The following GRM5 variants were observed in gnomAD, a reference collection of about 807,000 sequenced individuals.
GRM5 encodes metabotropic glutamate receptor 5.
In GRM5, 19 loss-of-function variants were observed where a neutral mutation model predicts 83.1. That is an observed-to-expected ratio of 0.23 (90% CI 0.16 to 0.34). The LOEUF is 0.34. GRM5 is among the 10% of genes least tolerant of loss of function. GRM5 has a pLI of 1.00. For missense variants in GRM5, 1,160 were observed against 1,588.3 expected (o/e 0.73, Z 4.58); for synonymous variants, 675 against 633.6 (o/e 1.07, Z -0.98).
intron 3 of GRM5, among the ~76,000 whole-genome samples, chr11:88,677,696 T>C (rs1031695619): frequency 6.6e-6 from 1 of 152,158 alleles, no homozygotes; most frequent in Non-Finnish European, 1.5e-5. Flanking sequence ...ATTATTTACA[T>C]CAATGACAAA....
chr11:88,960,546 T>C (rs1270140884), intron 2 of GRM5, among the ~76,000 whole-genome samples: 1 of 152,202 alleles, frequency 6.6e-6, no homozygotes, highest in Non-Finnish European at 1.5e-5. Flanking sequence ...ACAGACCTAA[T>C]ATCTGATTTA....
intron 3 of GRM5, among the ~76,000 whole-genome samples, chr11:88,669,720 A>G (rs1940144631): frequency 1.3e-5 from 2 of 152,088 alleles, no homozygotes; most frequent in Non-Finnish European, 2.9e-5. Flanking sequence ...TAATACAAAG[A>G]AATAAGCCTA....
chr11:88,830,536 C>T (rs1270975743), intron 3 of GRM5, among the ~76,000 whole-genome samples: 1 of 152,124 alleles, frequency 6.6e-6, no homozygotes, highest in Non-Finnish European at 1.5e-5. Context: ...GGAAGTGAGG[C>T]ATCCTTCTCT....
chr11:88,727,840 A>G (rs1366915003), intron 3 of GRM5, among the ~76,000 whole-genome samples: 3 of 152,216 alleles, frequency 2.0e-5, no homozygotes, highest in African/African-American at 7.2e-5. Flanking sequence ...CAATGAGAAC[A>G]AAGACACAAC....
chr11:88,796,965 A>G (rs1223334811), intron 3 of GRM5, among the ~76,000 whole-genome samples: 3 of 151,064 alleles, frequency 2.0e-5, no homozygotes, highest in Non-Finnish European at 3.0e-5. Flanking sequence ...TAGTTTTATT[A>G]CACTCTTAGA....
chr11:89,036,417 T>C (rs1426229821), intron 2 of GRM5, among the ~76,000 whole-genome samples: 1 of 152,134 alleles, frequency 6.6e-6, no homozygotes, highest in Non-Finnish European at 1.5e-5. Context: ...TGGGCAATGA[T>C]GAATTGAAAC....
chr11:88,524,552 A>T (rs1941815530), intron 9 of GRM5, among the ~76,000 whole-genome samples: 3 of 152,368 alleles, frequency 2.0e-5, no homozygotes, highest in African/African-American at 7.2e-5. Flanking sequence ...ATCCCATGCA[A>T]TAAAGCACGT....
intron 3 of GRM5, among the ~76,000 whole-genome samples, chr11:88,736,961 C>T (rs1941927216): frequency 6.6e-6 from 1 of 152,036 alleles, no homozygotes; most frequent in South Asian, 2.1e-4. Flanking sequence ...GTCCCTTCAT[C>T]TAGGAAATAC....
intron 3 of GRM5, among the ~76,000 whole-genome samples, chr11:88,791,686 T>A (rs1943175478): frequency 6.6e-6 from 1 of 152,136 alleles, no homozygotes; most frequent in African/African-American, 2.4e-5. Context: ...ATGGGGCAAG[T>A]GCTATTAAAT....
intron 2 of GRM5, among the ~76,000 whole-genome samples, chr11:88,959,451 T>G (rs2134981962): frequency 6.6e-6 from 1 of 151,798 alleles, no homozygotes; most frequent in South Asian, 2.1e-4. Flanking sequence ...ATAATTAATT[T>G]TATATACATT....
At chr11:88,532,725 C>T (rs961261107) in intron 8 of GRM5, among the ~76,000 whole-genome samples, 1 of 151,982 alleles carries the variant, frequency 6.6e-6, no homozygotes, top group Non-Finnish European at 1.5e-5. Flanking sequence ...ATAATAAATA[C>T]AAACTGAAGA....
chr11:88,851,659 G>A (rs1284992702), intron 2 of GRM5, among the ~76,000 whole-genome samples: 1 of 152,156 alleles, frequency 6.6e-6, no homozygotes, highest in Non-Finnish European at 1.5e-5. Context: ...TCCTGATGTG[G>A]GTGCTACCAT....
At chr11:88,737,244 C>G (rs1444370848) in intron 3 of GRM5, among the ~76,000 whole-genome samples, 1 of 152,024 alleles carries the variant, frequency 6.6e-6, no homozygotes, top group African/African-American at 2.4e-5. Context: ...CAGTATAATG[C>G]TATCAGGGCA....
At chr11:88,719,030 A>G (rs998142052) in intron 3 of GRM5, among the ~76,000 whole-genome samples, 1 of 149,878 alleles carries the variant, frequency 6.7e-6, no homozygotes, top group Admixed American at 6.7e-5. Flanking sequence ...TCCCTCTTAT[A>G]TTTTTCTCCT....
intron 2 of GRM5, among the ~76,000 whole-genome samples, chr11:88,902,403 T>C (rs1348001785): frequency 6.6e-6 from 1 of 152,156 alleles, no homozygotes. Context: ...AAGTGGTCCA[T>C]GTAAAGCACT....
chr11:89,012,170 C>T (rs963635920), intron 2 of GRM5, among the ~76,000 whole-genome samples: 5 of 151,628 alleles, frequency 3.3e-5, no homozygotes, highest in African/African-American at 9.8e-5. Flanking sequence ...AGCAGAAAAT[C>T]GACAATCAGA....
intron 2 of GRM5, among the ~76,000 whole-genome samples, chr11:88,999,057 C>G (rs1419319035): frequency 6.6e-6 from 1 of 152,074 alleles, no homozygotes; most frequent in African/African-American, 2.4e-5. Flanking sequence ...GAAACTGGAT[C>G]CCTTCCTTAC....
At chr11:88,668,594 A>G (rs1437189812) in intron 3 of GRM5, among the ~76,000 whole-genome samples, 3 of 152,182 alleles carry the variant, frequency 2.0e-5, no homozygotes, top group Non-Finnish European at 4.4e-5. Flanking sequence ...TAGAAATGCC[A>G]ATACTCATTC....
intron 2 of GRM5, among the ~76,000 whole-genome samples, chr11:88,911,582 C>A (rs550407413): frequency 1.7e-3 from 257 of 152,178 alleles, no homozygotes; most frequent in African/African-American, 5.8e-3. Context: ...GTATAGAAAA[C>A]AGCATTAGGG....
Sources: allele counts gnomAD v4.1 joint callset (sites outside exome capture counted in the v4.1 genomes callset), GRCh38; gene constraint gnomAD v4.1.1; transcripts MANE v1.5; gene names NCBI Gene and HGNC (gene_info 2026-07-23, HGNC 2026-07-21).